TAF6L: variants seen among roughly 807,000 people sequenced by gnomAD.
The protein encoded by TAF6L is TAF6-like RNA polymerase II p300/CBP-associated factor-associated factor 65 kDa subunit 6L.
TAF6L carries 34 observed loss-of-function variants against 57.3 expected under a neutral mutation model. The ratio of observed to expected loss-of-function variants is 0.59; its 90% confidence interval spans 0.45 to 0.79. The LOEUF is 0.79. Among genes scored for constraint, TAF6L ranks in the 30% least tolerant of loss-of-function variants. TAF6L has a pLI of 0.00. For missense variants in TAF6L, 782 were observed against 853.2 expected (o/e 0.92, Z 1.04); for synonymous variants, 417 against 376.3 (o/e 1.11, Z -1.25).
At position 62,776,351 on chromosome 11, in the gene TAF6L, C is replaced by T. The variant is rs148580239; in HGVS notation, c.148-33C>T. 5.8e-4 allele frequency: 935 copies of T among 1,610,470 alleles called. 10 individuals carry two copies. The East Asian group carries it at 0.018, about 32-fold the overall frequency. ...TTTCCCATGCCCCCTGCTTCACATCCTTTGACTCTGGCTTTTGTTCCCTCC... is the reference window on the plus strand; with the variant it reads ...TTTCCCATGCCCCCTGCTTCACATCTTTTGACTCTGGCTTTTGTTCCCTCC... On this transcript the variant is annotated intron_variant, in intron 2 of 10. Transcript: ENST00000294168.
chr11:62,786,699 G>C lies in TAF6L; in HGVS notation c.1272G>C (p.Gly424=), dbSNP rs1448287611. 5.0e-6 allele frequency: 8 copies of C among 1,612,462 alleles called. No homozygotes were observed. The highest frequency in any genetic ancestry group is 5.9e-6 in the Non-Finnish European group (7 of 1,179,518). ...GGTCCGGCCTCCCGCTGCCGCCAGGGGGCGCGGGGCCGGAGGACCCTTCTC... is the reference window on the plus strand; with the variant it reads ...GGTCCGGCCTCCCGCTGCCGCCAGGCGGCGCGGGGCCGGAGGACCCTTCTC... ...SFGSGLPLPP[G]GAGPEDPSLS... Residue 424 remains glycine (G), a synonymous_variant, in exon 11 of 11, where the codon GGG becomes GGC. Coordinates refer to ENST00000294168, the MANE Select transcript of TAF6L (RefSeq NM_006473.4).
chr11:62,782,394 G>C, intron 8 of TAF6L, 61 bp downstream of exon 8: 1 of 1,547,880 alleles, frequency 6.5e-7, no homozygotes, highest in East Asian at 2.2e-5. Flanking sequence ...GTTGGGGTAA[G>C]GAAATGGGGC....
At chr11:62,774,510 G>A (rs2134698151) in intron 1 of TAF6L, 1 of 449,672 alleles carries the variant, frequency 2.2e-6, no homozygotes, top group South Asian at 1.6e-5. Flanking sequence ...GAGGAGTAGT[G>A]GGGGCAATGC....
In TAF6L at chr11:62,786,401, C is replaced by G; in HGVS notation, c.1089+13C>G. 1 of 1,609,942 alleles carries G rather than the reference C, an allele frequency of 6.2e-7. No homozygotes were observed. The highest frequency in any genetic ancestry group is 8.5e-7 in the Non-Finnish European group (1 of 1,176,466). On this transcript the variant is annotated intron_variant, in intron 10 of 10. Coordinates refer to ENST00000294168, the MANE Select transcript of TAF6L (RefSeq NM_006473.4). ...TGGAGCCATTCTGGTGAGTACCGTC[C>G]CCTTCCAGCCTCCCTTCCCTGCATG...
At chr11:62,773,573 G>A (rs567933196) in intron 1 of TAF6L, among the ~76,000 whole-genome samples, 17 of 151,924 alleles carry the variant, frequency 1.1e-4, no homozygotes, top group South Asian at 2.1e-4. Flanking sequence ...TCAGCCTTGC[G>A]AGTAGCTGGG....
intron 9 of TAF6L, among the ~76,000 whole-genome samples, chr11:62,785,195 C>CTT (rs770648187): frequency 7.2e-6 from 1 of 138,514 alleles, no homozygotes; most frequent in Non-Finnish European, 1.6e-5. Flanking sequence ...ATTTTCTTTC[C>CTT]TTTTTTTTTT....
chr11:62,775,077 AAAAG>A (rs2084176349), intron 1 of TAF6L, among the ~76,000 whole-genome samples: 1 of 151,550 alleles, frequency 6.6e-6, no homozygotes, highest in Non-Finnish European at 1.5e-5. Context: ...AAAAAAAAAA[AAAAG>A]AAAAGACTGG....
chr11:62,781,691 G>T, intron 6 of TAF6L: 1 of 499,240 alleles, frequency 2.0e-6, no homozygotes, highest in Admixed American at 3.4e-5. Context: ...TGGACATTCA[G>T]GTTGTATTCA....
rs1312947947 is a variant in TAF6L, at chr11:62,781,902, C to G, written c.540C>G (p.Leu180=). 1 of 1,614,118 alleles carries G rather than the reference C, an allele frequency of 6.2e-7. No homozygotes were observed. The highest frequency in any genetic ancestry group is 8.5e-7 in the Non-Finnish European group (1 of 1,180,020). The change falls in exon 7 of 11, where the codon CTC becomes CTG. Residue 180 remains leucine (L), a synonymous_variant. Coordinates refer to ENST00000294168, the MANE Select transcript of TAF6L (RefSeq NM_006473.4). Reference sequence around the variant, plus strand: ...TGGGCCCTTCCTTTTAGGTTGCACTCCAGGACTTGCAGACGAACTCCAAGA... The same window carrying G: ...TGGGCCCTTCCTTTTAGGTTGCACTGCAGGACTTGCAGACGAACTCCAAGA... ...GDDPQLMKVA[L]QDLQTNSKIG...
At chr11:62,781,469 C>T (rs1012080908) in intron 6 of TAF6L, among the ~76,000 whole-genome samples, 2 of 151,646 alleles carry the variant, frequency 1.3e-5, no homozygotes, top group Non-Finnish European at 2.9e-5. Flanking sequence ...GTCAGGAGAT[C>T]GCGACCATCC....
At position 62,787,284 on chromosome 11, in the gene TAF6L, C is replaced by T. The variant is rs778005394; in HGVS notation, c.1857C>T (p.Tyr619=). The T allele has an allele frequency of 3.9e-6, 6 of 1,545,426 alleles. No homozygotes were observed. Among genetic ancestry groups the T allele is most frequent in the East Asian group, 2.3e-5 (1 of 42,852 alleles). The change falls in exon 11 of 11, where the codon TAC becomes TAT. Residue 619 remains tyrosine (Y), a synonymous_variant. Coordinates refer to ENST00000294168, the MANE Select transcript of TAF6L (RefSeq NM_006473.4). ...GGGCGCTCTCGGACTACTCGCTGTACTTGCCGCTCTGAGTCAGTGGCCCCT... is the reference window on the plus strand; with the variant it reads ...GGGCGCTCTCGGACTACTCGCTGTATTTGCCGCTCTGAGTCAGTGGCCCCT... ...RRWALSDYSL[Y]LPL
intron 6 of TAF6L, among the ~76,000 whole-genome samples, chr11:62,780,780 C>G (rs1014020846): frequency 6.9e-6 from 1 of 145,172 alleles, no homozygotes; most frequent in East Asian, 2.1e-4. Flanking sequence ...ACTAAAAATA[C>G]CAGAAAATTA....
chr11:62,778,198 C>A lies in TAF6L; in HGVS notation c.385+70C>A, dbSNP rs779820663. Reference sequence around the variant, plus strand: ...GTGAAGAGAAGTGGTGATGGGCTGGCTGGTGGAAGAGGCAGAACTTGGAGG... The same window carrying A: ...GTGAAGAGAAGTGGTGATGGGCTGGATGGTGGAAGAGGCAGAACTTGGAGG... On this transcript the variant is annotated intron_variant, in intron 4 of 10. Coordinates refer to ENST00000294168, the MANE Select transcript of TAF6L (RefSeq NM_006473.4). 101 of 1,613,274 alleles carry A rather than the reference C, an allele frequency of 6.3e-5. 2 individuals carry two copies. The highest frequency in any genetic ancestry group is 3.3e-4 in the Middle Eastern group (2 of 6,046).
intron 2 of TAF6L, 42 bp from the exon 3 acceptor site, chr11:62,776,342 C>T: frequency 6.2e-7 from 1 of 1,605,020 alleles, no homozygotes; most frequent in South Asian, 1.1e-5. Context: ...ATGCCCCCTG[C>T]TTCACATCCT....
At chr11:62,778,506 TG>T in intron 5 of TAF6L, 171 bp downstream of exon 5, 1 of 752,636 alleles carries the variant, frequency 1.3e-6, no homozygotes, top group Non-Finnish European at 2.2e-6. Context: ...GAGTTGGAGA[TG>T]GGGGCCCAGA....
chr11:62,781,456 G>A (rs112841130), intron 6 of TAF6L, among the ~76,000 whole-genome samples: 2 of 152,106 alleles, frequency 1.3e-5, no homozygotes, highest in South Asian at 2.1e-4. Flanking sequence ...GGCAGATCAC[G>A]AGGTCAGGAG....
intron 1 of TAF6L, chr11:62,774,643 T>C (rs1376796028): frequency 4.4e-6 from 2 of 455,194 alleles, no homozygotes; most frequent in South Asian, 3.1e-5. Flanking sequence ...GCTGTTTTTG[T>C]CGGTTTCTTA....
At chr11:62,778,603 T>A (rs1270874760) in intron 5 of TAF6L, 1 of 615,256 alleles carries the variant, frequency 1.6e-6, no homozygotes, top group Admixed American at 2.9e-5. Flanking sequence ...CCCCAGGGTA[T>A]GCTGAGCAGA....
intron 8 of TAF6L, 118 bp downstream of exon 8, chr11:62,782,451 C>T: frequency 8.5e-7 from 1 of 1,183,286 alleles, no homozygotes; most frequent in Non-Finnish European, 1.2e-6. Context: ...GAACCTTTTC[C>T]CTAGGAGCGT....
Sources: allele counts gnomAD v4.1 joint callset (sites outside exome capture counted in the v4.1 genomes callset), GRCh38; gene constraint gnomAD v4.1.1; transcripts MANE v1.5; gene names NCBI Gene and HGNC (gene_info 2026-07-23, HGNC 2026-07-21).